Variants in CHLSN observed in about 807,000 individuals in gnomAD.
CHLSN encodes cholesin.
chr7:1,057,105 C>T, the CHLSN span, among the ~76,000 whole-genome samples: 2 of 152,104 alleles, frequency 1.3e-5, no homozygotes, highest in African/African-American at 2.4e-5. Context: ...TCCCTCCCGG[C>T]GCTGGCAAGA....
chr7:988,418 G>A, the CHLSN span: 1 of 1,612,516 alleles, frequency 6.2e-7, no homozygotes, highest in Non-Finnish European at 8.5e-7. Flanking sequence ...TTTCTCTGCA[G>A]GTCAGCAGCC....
chr7:1,027,613 G>A, the CHLSN span, among the ~76,000 whole-genome samples: 1 of 152,282 alleles, frequency 6.6e-6, no homozygotes, highest in African/African-American at 2.4e-5. Context: ...GCTCCCGAGT[G>A]AAGCTATCCC....
the CHLSN span, among the ~76,000 whole-genome samples, chr7:999,417 G>A: frequency 6.6e-6 from 1 of 151,678 alleles, no homozygotes. Context: ...ACCGGAGCTT[G>A]CAATAGGGCT....
chr7:1,069,306 G>C, the CHLSN span, among the ~76,000 whole-genome samples: 1 of 152,092 alleles, frequency 6.6e-6, no homozygotes, highest in Non-Finnish European at 1.5e-5. Flanking sequence ...ACTCCAGCCT[G>C]GGCGACAGAG....
the CHLSN span, among the ~76,000 whole-genome samples, chr7:1,078,392 AAGGCCTGCGAAGGGGGCCCCATG>A: frequency 6.6e-6 from 1 of 152,012 alleles, no homozygotes. Flanking sequence ...CCAGAAGACG[AAGGCCTGCGAAGGGGGCCCCATG>A]AGGCCTGGGA....
the CHLSN span, among the ~76,000 whole-genome samples, chr7:1,035,217 G>T: frequency 2.6e-5 from 4 of 152,172 alleles, no homozygotes; most frequent in East Asian, 5.8e-4. Context: ...CTGGTGTCAC[G>T]TCTTTGTGAC....
the CHLSN span, among the ~76,000 whole-genome samples, chr7:1,019,449 C>T: frequency 6.6e-6 from 1 of 152,246 alleles, no homozygotes; most frequent in Non-Finnish European, 1.5e-5. Flanking sequence ...GAAGGAGAGG[C>T]TTCCTGGCAC....
At chr7:1,085,456 A>G in the CHLSN span, among the ~76,000 whole-genome samples, 16 of 152,270 alleles carry the variant, frequency 1.1e-4, no homozygotes, top group Middle Eastern at 0.01. Context: ...CCCTGCAGTC[A>G]GTTTCTGCAA....
chr7:1,065,114 G>A, the CHLSN span, among the ~76,000 whole-genome samples: 1 of 152,206 alleles, frequency 6.6e-6, no homozygotes, highest in Admixed American at 6.5e-5. Flanking sequence ...GCCCCATCCT[G>A]TTCTAGGGGC....
At chr7:1,002,349 GGAGTCCTGTGGGTGAA>G in the CHLSN span, among the ~76,000 whole-genome samples, 1 of 130,822 alleles carries the variant, frequency 7.6e-6, no homozygotes, top group African/African-American at 2.9e-5. Flanking sequence ...CTGTGGGTGG[GGAGTCCTGTGGGTGAA>G]TGGAGTCCTG....
the CHLSN span, chr7:1,009,903 T>C: frequency 2.7e-6 from 4 of 1,459,016 alleles, no homozygotes; most frequent in Non-Finnish European, 3.6e-6. Context: ...CAGGCAGGGG[T>C]TGAGACGCAC....
the CHLSN span, among the ~76,000 whole-genome samples, chr7:1,066,617 C>G: frequency 6.6e-6 from 1 of 152,222 alleles, no homozygotes; most frequent in Non-Finnish European, 1.5e-5. Context: ...GCCCTCCTAC[C>G]TGTCTGTCCA....
At chr7:1,113,982 C>T in the CHLSN span, among the ~76,000 whole-genome samples, 35 of 152,322 alleles carry the variant, frequency 2.3e-4, no homozygotes, top group Middle Eastern at 3.4e-3. Flanking sequence ...CTCAACTTCC[C>T]GTCGACATAG....
At chr7:984,514 G>A in the CHLSN span, 29 of 1,552,756 alleles carry the variant, frequency 1.9e-5, no homozygotes, top group African/African-American at 8.2e-5. Flanking sequence ...GGCGGGCCCC[G>A]GGCAGGAGCT....
chr7:1,029,682 G>C, the CHLSN span, among the ~76,000 whole-genome samples: 1 of 152,232 alleles, frequency 6.6e-6, no homozygotes, highest in Non-Finnish European at 1.5e-5. Context: ...CAAGGCGTCA[G>C]GGTCCAGGAC....
At chr7:1,028,661 C>G in the CHLSN span, 1 of 913,862 alleles carries the variant, frequency 1.1e-6, no homozygotes, top group African/African-American at 1.8e-5. Context: ...CCACCCAGCC[C>G]CTATCGTCCC....
the CHLSN span, among the ~76,000 whole-genome samples, chr7:1,014,200 G>A: frequency 2.0e-5 from 3 of 152,248 alleles, no homozygotes; most frequent in Admixed American, 6.5e-5. Context: ...TACAGGCTGG[G>A]AGGAGCAAAG....
chr7:1,127,594 T>C, the CHLSN span, among the ~76,000 whole-genome samples: 2 of 151,538 alleles, frequency 1.3e-5, no homozygotes, highest in Non-Finnish European at 2.9e-5. Context: ...ATTTCCTTTC[T>C]GTCTTTTTTT....
At chr7:979,778 C>T in the CHLSN span, among the ~76,000 whole-genome samples, 2 of 152,110 alleles carry the variant, frequency 1.3e-5, no homozygotes, top group African/African-American at 4.8e-5. Flanking sequence ...CCGTGGGCAC[C>T]TGCGCCATGC....
Sources: gnomAD v4.1 joint callset for allele counts (sites outside exome capture counted in the v4.1 genomes callset) on GRCh38, gnomAD v4.1.1 for gene constraint, MANE v1.5 for transcripts, NCBI Gene and HGNC (gene_info 2026-07-23, HGNC 2026-07-21) for gene names.